The following UBAP2L variants were observed in gnomAD, a reference collection of about 807,000 sequenced individuals.
The protein encoded by UBAP2L is ubiquitin-associated protein 2-like.
A neutral mutation model predicts 130.6 loss-of-function variants in UBAP2L; 12 were observed. That is an observed-to-expected ratio of 0.09 (90% CI 0.06 to 0.15). The LOEUF (loss-of-function observed/expected upper bound fraction) is 0.15. UBAP2L is among the 10% of genes least tolerant of loss of function. UBAP2L has a pLI of 1.00. For missense variants in UBAP2L, 965 were observed against 1,332.5 expected, an observed-to-expected ratio of 0.72 and a Z score of 4.29; for synonymous variants, 503 against 524.7, an observed-to-expected ratio of 0.96 and a Z score of 0.57.
In UBAP2L at chr1:154,270,704, C is replaced by CA; in HGVS notation, c.*416dup. On this transcript the variant is annotated 3_prime_UTR_variant, in exon 27 of 27. Transcript: ENST00000428931. Reference sequence around the variant, plus strand: ...TTAGGAAAACAACAACAACAACAAACAAAAAAATGGCGTCATGAATATGAA... The same window carrying CA: ...TTAGGAAAACAACAACAACAACAAACAAAAAAAATGGCGTCATGAATATGAA... The CA allele has an allele frequency of 1.4e-6, 2 of 1,394,766 alleles. No individual in the cohort carries two copies. Among genetic ancestry groups the CA allele is most frequent in the South Asian group, 3.3e-5 (2 of 60,268 alleles). The allele number at this position is 1,394,766 out of a possible 1,614,324, so 86.4% of individuals were successfully genotyped here.
rs1477141539 is a variant in UBAP2L at position 154,227,640 on chromosome 1, G to A, written c.168+281G>A. ...TGGCTCATTGCAGCTTCTGCCTCCC[G>A]AGTTCAAGCGATTCTCGTGCTTCAG... On this transcript the variant is annotated intron_variant, in intron 3 of 26. Transcript: ENST00000428931. Among the ~76,000 whole-genome samples the A allele has an allele frequency of 6.6e-5, 10 of 151,028 alleles. No homozygotes were observed. In the South Asian group the frequency reaches 1.7e-3, roughly 25 times the overall value.
intron 9 of UBAP2L, among the ~76,000 whole-genome samples, chr1:154,242,138 C>T (rs890754192): frequency 9.9e-5 from 15 of 152,170 alleles, no homozygotes; most frequent in Non-Finnish European, 1.9e-4. Context: ...ATGGGTGGCA[C>T]GTAAACAAGC....
chr1:154,259,107 C>T (rs1680628496), intron 21 of UBAP2L, 77 bp downstream of exon 21: 2 of 1,312,264 alleles, frequency 1.5e-6, no homozygotes, highest in African/African-American at 1.5e-5. Flanking sequence ...CCGTCACAGA[C>T]ATAGCTCTTT....
downstream of UBAP2L, chr1:154,270,948 A>C: frequency 6.5e-7 from 1 of 1,549,900 alleles, no homozygotes; most frequent in Admixed American, 2.0e-5. Flanking sequence ...GGCCTCCTCT[A>C]GCAGGCCCCT....
chr1:154,266,708 T>G, intron 25 of UBAP2L, 140 bp downstream of exon 25: 1 of 868,882 alleles, frequency 1.2e-6, no homozygotes, highest in Non-Finnish European at 1.9e-6. Context: ...AAATGAAAGG[T>G]CTTCTCTAGA....
chr1:154,230,013 C>T (rs566878048), intron 4 of UBAP2L, among the ~76,000 whole-genome samples: 1 of 152,034 alleles, frequency 6.6e-6, no homozygotes, highest in Non-Finnish European at 1.5e-5. Flanking sequence ...CACCACCATA[C>T]CCAGCTAATT....
At position 154,222,417 on chromosome 1, in the gene UBAP2L, C is replaced by T. The variant is rs577403601; in HGVS notation, c.-41+1442C>T. ...GATAAAACTGCTTTGAGATCTGACA[C>T]CATTGTCCTTAAAGATTAGACTATC... On this transcript the variant is annotated intron_variant, in intron 1 of 26. Transcript: ENST00000428931. Among the ~76,000 whole-genome samples, 5 of 152,272 alleles carry T rather than the reference C, an allele frequency of 3.3e-5. No homozygotes were observed. The East Asian group carries it at 7.7e-4, about 23-fold the overall frequency.
chr1:154,234,574 G>T lies in UBAP2L; in HGVS notation c.280-17G>T. On this transcript the variant is annotated splice_polypyrimidine_tract_variant and intron_variant, in intron 4 of 26. Coordinates refer to ENST00000428931, the MANE Select transcript of UBAP2L (RefSeq NM_014847.4). The stretch of plus-strand genomic sequence containing the variant: ...CACTCCATATTGATTAGATATGAAT[G>T]CTCTACCCTTCTATAGCATTCCTGG... 1.2e-6 allele frequency: 2 copies of T among 1,613,654 alleles called. No homozygotes were observed. The highest frequency in any genetic ancestry group is 1.7e-6 in the Non-Finnish European group (2 of 1,179,812).
At chr1:154,228,770 G>A (rs748099725) in intron 4 of UBAP2L, 45 bp downstream of exon 4, 5 of 1,455,594 alleles carry the variant, frequency 3.4e-6, no homozygotes, top group South Asian at 2.3e-5. Context: ...CCTCAATTGG[G>A]AGGCTAGTAA....
intron 18 of UBAP2L, among the ~76,000 whole-genome samples, chr1:154,256,626 G>A (rs1679767553): frequency 6.6e-6 from 1 of 152,138 alleles, no homozygotes; most frequent in African/African-American, 2.4e-5. Context: ...GCAACAGGAT[G>A]GGACCCTGTC....
rs939725092 is a variant in UBAP2L at position 154,234,760 on chromosome 1, G to C, written c.448+1G>C. The C allele has an allele frequency of 6.3e-7, 1 of 1,583,332 alleles. No individual in the cohort carries two copies. Among genetic ancestry groups the C allele is most frequent in the South Asian group, 1.1e-5 (1 of 87,448 alleles). On this transcript the variant is annotated splice_donor_variant, in intron 5 of 26. Transcript: ENST00000428931. LOFTEE classifies it high-confidence loss of function. ...AGAGGTGCCAGCCGTGGACGAGAGTGTATGCATGGGGCTTTATCAAAACCA... is the reference window on the plus strand; with the variant it reads ...AGAGGTGCCAGCCGTGGACGAGAGTCTATGCATGGGGCTTTATCAAAACCA...
intron 4 of UBAP2L, among the ~76,000 whole-genome samples, chr1:154,230,711 G>A (rs1669564246): frequency 6.6e-6 from 1 of 152,158 alleles, no homozygotes; most frequent in Non-Finnish European, 1.5e-5. Flanking sequence ...AAAATAAGCT[G>A]GAGAATATAG....
intron 25 of UBAP2L, 139 bp downstream of exon 25, chr1:154,266,707 G>C: frequency 1.2e-6 from 1 of 865,942 alleles, no homozygotes; most frequent in Non-Finnish European, 1.9e-6. Flanking sequence ...TAAATGAAAG[G>C]TCTTCTCTAG....
chr1:154,257,843 T>A (rs947892982), intron 20 of UBAP2L: 2 of 196,146 alleles, frequency 1.0e-5, no homozygotes, highest in Non-Finnish European at 2.1e-5. Flanking sequence ...TGTGTGTGCG[T>A]ACAATGTGTA....
chr1:154,235,025 G>C (rs959056174), intron 5 of UBAP2L, among the ~76,000 whole-genome samples, 171 bp from the exon 6 acceptor site: 5 of 152,100 alleles, frequency 3.3e-5, no homozygotes, highest in African/African-American at 1.2e-4. Flanking sequence ...CATTCCCTGA[G>C]AAACATGTTC....
At chr1:154,237,157 C>G (rs1363259380) in intron 8 of UBAP2L, 21 bp downstream of exon 8, 1 of 1,584,912 alleles carries the variant, frequency 6.3e-7, no homozygotes, top group Admixed American at 1.7e-5. Context: ...ATTTATCATT[C>G]ATTTCTTGTC....
chr1:154,250,229 T>C (rs367782097), intron 12 of UBAP2L, among the ~76,000 whole-genome samples: 1 of 152,154 alleles, frequency 6.6e-6, no homozygotes, highest in Non-Finnish European at 1.5e-5. Flanking sequence ...TGGCTAATTT[T>C]TAATTTTTTG....
intron 14 of UBAP2L, among the ~76,000 whole-genome samples, chr1:154,253,030 T>C (rs1212298037): frequency 6.6e-6 from 1 of 151,932 alleles, no homozygotes; most frequent in Non-Finnish European, 1.5e-5. Context: ...TGAGACAGAG[T>C]CTTGCTCTTG....
chr1:154,255,903 GT>G, intron 18 of UBAP2L, 148 bp downstream of exon 18: 1 of 902,830 alleles, frequency 1.1e-6, no homozygotes. Context: ...GTAAAGGGAT[GT>G]TAGGAAGCCA....
Sources: gnomAD v4.1 joint callset for allele counts (sites outside exome capture counted in the v4.1 genomes callset) on GRCh38, gnomAD v4.1.1 for gene constraint, MANE v1.5 for transcripts, NCBI Gene and HGNC (gene_info 2026-07-23, HGNC 2026-07-21) for gene names.